Variants in LRIG1 observed in about 807,000 individuals in gnomAD.
LRIG1 encodes the protein leucine-rich repeats and immunoglobulin-like domains protein 1.
Under a neutral mutation model 99.2 loss-of-function variants are expected in LRIG1, and 48 were observed. The ratio of observed to expected loss-of-function variants is 0.48; its 90% CI spans 0.38 to 0.62. The LOEUF (loss-of-function observed/expected upper bound fraction) is 0.62, where lower values mean the gene tolerates loss of function less well. Ranked by LOEUF, LRIG1 falls within the 20% of genes least tolerant of loss-of-function variation. The probability of loss-of-function intolerance (pLI) is 0.00; values close to 1 mark genes in which losing one functional copy is unlikely to be tolerated. For synonymous variants in LRIG1, 772 were observed against 596.1 expected, an observed-to-expected ratio of 1.29 and a Z score of -4.30; for missense variants, 1,646 against 1,434.4, an observed-to-expected ratio of 1.15 and a Z score of -2.38.
rs768841895 is a variant in LRIG1 at position 66,398,167 on chromosome 3, C to T, written c.1249G>A (p.Ala417Thr). 1 of 1,613,968 alleles carries T rather than the reference C, an allele frequency of 6.2e-7. No individual in the cohort carries two copies. The highest frequency in any genetic ancestry group is 1.1e-5 in the South Asian group (1 of 91,066). The change falls in exon 11 of 19, where the codon GCG becomes ACG. Residue 417 changes from alanine to threonine, a missense_variant. Transcript: ENST00000273261. ...GCATCAAACTGGACAGATCTGATCG[C>T]ATTCCCTCCAAGGTTCCTGAAACAG... is the stretch of plus-strand genomic sequence containing the variant. ...GLEHLNLGGN[A>T]IRSVQFDAFV...
At chr3:66,420,725 A>C (rs1401052879) in intron 3 of LRIG1, among the ~76,000 whole-genome samples, 1 of 152,226 alleles carries the variant, frequency 6.6e-6, no homozygotes, top group Non-Finnish European at 1.5e-5. Context: ...TATGTGAGGT[A>C]GCTAGAGTAG....
At chr3:66,437,991 A>G (rs1703414129) in intron 3 of LRIG1, among the ~76,000 whole-genome samples, 1 of 152,198 alleles carries the variant, frequency 6.6e-6, no homozygotes, top group Non-Finnish European at 1.5e-5. Context: ...TTTGTCCCAT[A>G]GAGGATGGGA....
intron 3 of LRIG1, among the ~76,000 whole-genome samples, chr3:66,450,187 C>A (rs907858896): frequency 6.6e-6 from 1 of 152,172 alleles, no homozygotes; most frequent in African/African-American, 2.4e-5. Flanking sequence ...CAAAGGGCCA[C>A]AAACCTTCCT....
At position 66,394,053 on chromosome 3, in the gene LRIG1, C is replaced by G. The variant is rs1345308081; in HGVS notation, c.1455G>C (p.Glu485Asp). 6.2e-7 allele frequency: 1 copy of G among 1,614,128 alleles called. No individual in the cohort carries two copies. The highest frequency in any genetic ancestry group is 8.5e-7 in the Non-Finnish European group (1 of 1,180,024). ...KGQSIFSVPP[E>D]SFVCDDFLKP... ...AGACAGTCTTACCGCACACGAAACT[C>G]TCTGGTGGCACAGAGAAAATGCTCT... is the stretch of plus-strand genomic sequence containing the variant. The change falls in exon 12 of 19, where the codon GAG becomes GAC. Residue 485 changes from glutamate to aspartate, a missense_variant. Physicochemically the swap from Glu to Asp is conservative, Grantham distance 45. Coordinates refer to ENST00000273261, the MANE Select transcript of LRIG1 (RefSeq NM_015541.3).
intron 2 of LRIG1, among the ~76,000 whole-genome samples, chr3:66,456,470 G>A (rs370178494): frequency 3.9e-5 from 6 of 151,998 alleles, no homozygotes; most frequent in Admixed American, 3.3e-4. Flanking sequence ...CTACTCAGGA[G>A]GCTGAGGTGC....
chr3:66,384,842 G>C (rs1559767461), intron 13 of LRIG1, among the ~76,000 whole-genome samples: 1 of 152,186 alleles, frequency 6.6e-6, no homozygotes, highest in Non-Finnish European at 1.5e-5. Context: ...TGTCCTGACA[G>C]AGTGGGACGC....
intron 1 of LRIG1, among the ~76,000 whole-genome samples, chr3:66,489,509 G>A (rs1323027629): frequency 1.5e-5 from 2 of 135,422 alleles, no homozygotes; most frequent in Admixed American, 7.7e-5. Context: ...GTGACAGAGT[G>A]GGACCCTTTG....
intron 11 of LRIG1, among the ~76,000 whole-genome samples, chr3:66,396,381 A>G (rs1273238966): frequency 1.3e-5 from 2 of 152,180 alleles, no homozygotes; most frequent in Admixed American, 1.3e-4. Context: ...GCTGGCTCAC[A>G]TGGTGCATTT....
In LRIG1 at chr3:66,417,214, A is replaced by C; in HGVS notation, c.418T>G (p.Ser140Ala). The C allele has an allele frequency of 1.2e-6, 2 of 1,614,170 alleles. No homozygotes were observed. Among genetic ancestry groups the C allele is most frequent in the Non-Finnish European group, 1.7e-6 (2 of 1,180,026 alleles). The part of the protein sequence containing the change: ...VEGSQLKAYL[S>A]LEVLDLSLNN... ...AAACTCAGATCTAACACTTCTAAGG[A>C]AAGGTAGGCCTTCAGCTGGCTCCCC... Residue 140 changes from serine to alanine, a missense_variant, in exon 4 of 19, where the codon TCC becomes GCC. Transcript: ENST00000273261.
intron 3 of LRIG1, among the ~76,000 whole-genome samples, chr3:66,429,282 G>A (rs939611445): frequency 2.0e-5 from 3 of 152,066 alleles, no homozygotes; most frequent in African/African-American, 7.2e-5. Flanking sequence ...TCCCTGAAAC[G>A]AAAAAATCTA....
At position 66,379,966 on chromosome 3, in the gene LRIG1, A is replaced by T. The variant is rs142174342; in HGVS notation, c.*297T>A. On this transcript the variant is annotated 3_prime_UTR_variant, in exon 19 of 19. Coordinates refer to ENST00000273261, the MANE Select transcript of LRIG1 (RefSeq NM_015541.3). ...CGAAAAATAATATTGTCAAAATTGT[A>T]TAATTTTTTTCTGTTAACCATGCAC... 3.7e-5 allele frequency: 8 copies of T among 214,808 alleles called. No homozygotes were observed. In the South Asian group the frequency reaches 1.2e-3, roughly 33 times the overall value. The allele number at this position is 214,808 out of a possible 1,614,324, so 13.3% of individuals were successfully genotyped here. A position where few individuals can be genotyped will look rare whatever the true frequency, so the allele number is the denominator to read the frequency against.
chr3:66,442,619 A>T (rs539806367), intron 3 of LRIG1, among the ~76,000 whole-genome samples: 1 of 152,148 alleles, frequency 6.6e-6, no homozygotes, highest in African/African-American at 2.4e-5. Context: ...CTGCTGGAAG[A>T]AGCAGCACTT....
intron 7 of LRIG1, among the ~76,000 whole-genome samples, chr3:66,407,777 G>A (rs950622406): frequency 6.6e-6 from 1 of 152,194 alleles, no homozygotes; most frequent in African/African-American, 2.4e-5. Flanking sequence ...TACACACGAG[G>A]TCATGACACA....
At chr3:66,383,948 T>TCA (rs3830215) in intron 14 of LRIG1, 43 bp downstream of exon 14, 169,278 of 1,481,630 alleles carry the variant, frequency 0.11, 1,952 homozygotes, top group Admixed American at 0.27. Flanking sequence ...TCTCTCTCGC[T>TCA]CACACACACA....
At position 66,500,271 on chromosome 3, in the gene LRIG1, G is replaced by A. The variant is rs1701326799; in HGVS notation, c.137C>T (p.Thr46Ile). The part of the protein sequence containing the change: ...GPRAPCAAAC[T>I]CAGDSLDCGG... The stretch of plus-strand genomic sequence containing the variant: ...GCAGTCCAGCGAGTCCCCAGCGCAA[G>A]TGCAGGCGGCCGCGCAGGGCGCCCG... The change falls in exon 1 of 19, where the codon ACT becomes ATT. Residue 46 changes from threonine to isoleucine, a missense_variant. By Grantham distance (89) the Thr-to-Ile change is moderately conservative. Coordinates refer to ENST00000273261, the MANE Select transcript of LRIG1 (RefSeq NM_015541.3). The A allele has an allele frequency of 2.0e-6, 3 of 1,492,638 alleles. No homozygotes were observed. Among genetic ancestry groups the A allele is most frequent in the South Asian group, 2.5e-5 (2 of 79,708 alleles). 92.5% of individuals were successfully genotyped at this position (1,492,638 alleles called of 1,614,324 possible). A position where few individuals can be genotyped will look rare whatever the true frequency, so the allele number is the denominator to read the frequency against.
chr3:66,380,274 G>A lies in LRIG1; in HGVS notation c.3271C>T (p.Pro1091Ser), dbSNP rs758797151. Reference sequence around the variant, plus strand: ...GAGGTAGACAAAACCTAGCTTTTTGGTGCCAACAGCAGTGGCACCCTCTGT... The same window carrying A: ...GAGGTAGACAAAACCTAGCTTTTTGATGCCAACAGCAGTGGCACCCTCTGT... ...GKQRVPLLLA[P>S]KS The change falls in exon 19 of 19, where the codon CCA (proline) becomes TCA (serine). Residue 1091 changes from proline (P) to serine (S), a missense_variant. By Grantham distance (74) the Pro-to-Ser change is moderately conservative (BLOSUM62 -1). Transcript: ENST00000273261. 4 of 1,609,364 alleles carry A rather than the reference G, an allele frequency of 2.5e-6. No individual in the cohort carries two copies. The South Asian group carries it at 3.3e-5, about 13-fold the overall frequency.
chr3:66,456,092 T>A (rs1700215075), intron 2 of LRIG1, among the ~76,000 whole-genome samples: 1 of 152,228 alleles, frequency 6.6e-6, no homozygotes, highest in African/African-American at 2.4e-5. Flanking sequence ...CAGACATATC[T>A]TGGTTCACTC....
intron 3 of LRIG1, among the ~76,000 whole-genome samples, chr3:66,419,647 G>A (rs67134368): frequency 0.13 from 19,772 of 152,122 alleles, 1,464 homozygotes; most frequent in Non-Finnish European, 0.17. Context: ...CGCAGCCCAA[G>A]CTAACAAGTT....
Position 66,462,423 on chromosome 3 carries a change from T to C in LRIG1, c.290+15A>G, listed in dbSNP as rs754472942. On this transcript the variant is annotated intron_variant, in intron 2 of 18. Coordinates refer to ENST00000273261, the MANE Select transcript of LRIG1 (RefSeq NM_015541.3). Reference sequence around the variant, plus strand: ...TCCATCCTTCCATCCACCAGAGGTTTAGGGGGAGACTCACACTTCCTGTAG... The same window carrying C: ...TCCATCCTTCCATCCACCAGAGGTTCAGGGGGAGACTCACACTTCCTGTAG... 80 of 1,602,330 alleles carry C rather than the reference T, an allele frequency of 5.0e-5. No individual in the cohort carries two copies. The highest frequency in any genetic ancestry group is 6.7e-5 in the Non-Finnish European group (78 of 1,170,716).
Sources: allele counts gnomAD v4.1 joint callset (sites outside exome capture counted in the v4.1 genomes callset), GRCh38; gene constraint gnomAD v4.1.1; transcripts MANE v1.5; gene names NCBI Gene and HGNC (gene_info 2026-07-23, HGNC 2026-07-21).